Variants in TOX2 observed in about 807,000 individuals in gnomAD.
The protein encoded by TOX2 is TOX high mobility group box family member 2.
Under a neutral mutation model 47.4 loss-of-function variants are expected in TOX2, and 15 were observed. That is an observed-to-expected ratio of 0.32 (90% confidence interval 0.21 to 0.49). The LOEUF is 0.49. TOX2 is among the 20% of genes least tolerant of loss of function. The pLI is 0.99. For missense variants in TOX2, 622 were observed against 673.1 expected (o/e 0.92, Z 0.84); for synonymous variants, 290 against 296.6 (o/e 0.98, Z 0.23).
chr20:43,986,499 C>T (rs2070268102), intron 2 of TOX2, among the ~76,000 whole-genome samples: 1 of 152,052 alleles, frequency 6.6e-6, no homozygotes, highest in South Asian at 2.1e-4. Flanking sequence ...CCAGGCTGGT[C>T]TCGAACTCCT....
At position 43,975,680 on chromosome 20, in the gene TOX2, C is replaced by T. The variant is rs6031268; in HGVS notation, c.165+2248C>T. On this transcript the variant is annotated intron_variant, in intron 2 of 8. Coordinates refer to ENST00000341197, the MANE Select transcript of TOX2 (RefSeq NM_001098797.2). ...CTTTCCATGATTCTCATTAAAATGG[C>T]ACCAGGTCTTTTTAATTCATAGTGA... Among the ~76,000 whole-genome samples the T allele has an allele frequency of 8.3e-3, 1,256 of 152,238 alleles. 19 individuals are homozygous for T. The highest frequency in any genetic ancestry group is 0.029 in the African/African-American group (1,188 of 41,514).
intron 1 of TOX2, among the ~76,000 whole-genome samples, chr20:43,954,428 G>C (rs1159170372): frequency 6.6e-6 from 1 of 152,086 alleles, no homozygotes; most frequent in African/African-American, 2.4e-5. Context: ...CCTGCCTCCT[G>C]CAGTGGACTC....
intron 1 of TOX2, among the ~76,000 whole-genome samples, chr20:43,968,195 C>T (rs1216286080): frequency 6.6e-6 from 1 of 152,208 alleles, no homozygotes; most frequent in Non-Finnish European, 1.5e-5. Context: ...CCATCCTTTA[C>T]TCCTTCCTCC....
chr20:43,938,907 G>T (rs2069364839), intron 1 of TOX2, among the ~76,000 whole-genome samples: 1 of 152,212 alleles, frequency 6.6e-6, no homozygotes, highest in South Asian at 2.1e-4. Context: ...TCCAGCCCTT[G>T]TGTTTCTGCC....
intron 1 of TOX2, among the ~76,000 whole-genome samples, chr20:43,960,120 A>T (rs966336862): frequency 1.3e-5 from 2 of 152,166 alleles, no homozygotes; most frequent in African/African-American, 4.8e-5. Flanking sequence ...ATAGGAACGG[A>T]TGTTTGTCAT....
At chr20:43,973,258 C>T (rs1356012155) in intron 1 of TOX2, 109 bp from the exon 2 acceptor site, 6 of 1,071,488 alleles carry the variant, frequency 5.6e-6, no homozygotes, top group Non-Finnish European at 8.3e-6. Flanking sequence ...CCTTCTGCAG[C>T]TCCCACAGTC....
intron 2 of TOX2, among the ~76,000 whole-genome samples, chr20:43,989,006 C>A (rs2070321158): frequency 6.6e-6 from 1 of 152,146 alleles, no homozygotes; most frequent in South Asian, 2.1e-4. Context: ...GGAATTTGAA[C>A]CACAGTTAGT....
chr20:44,018,192 C>G (rs6073282), intron 3 of TOX2, among the ~76,000 whole-genome samples: 93,595 of 151,438 alleles, frequency 0.62, 29,383 homozygotes, highest in Non-Finnish European at 0.68. Flanking sequence ...ACCACCCCTT[C>G]CGCTGAAATT....
chr20:43,970,017 C>T (rs1475694140), intron 1 of TOX2, among the ~76,000 whole-genome samples: 2 of 152,168 alleles, frequency 1.3e-5, no homozygotes, highest in African/African-American at 2.4e-5. Flanking sequence ...TGGATAATTC[C>T]TCCCTCTCCT....
In TOX2 at chr20:44,007,056, T is replaced by C. The variant is rs555302004; in HGVS notation, c.411+264T>C. ...AGCTCTGCGTACAGTATCTCGGTAT[T>C]GGTTTGCATTATTTGTTAATAGTAT... On this transcript the variant is annotated intron_variant, in intron 3 of 8. Coordinates refer to ENST00000341197, the MANE Select transcript of TOX2 (RefSeq NM_001098797.2). 1.2e-4 allele frequency among the ~76,000 whole-genome samples: 19 copies of C among 152,348 alleles called. No homozygotes were observed. In the South Asian group the frequency reaches 3.3e-3, roughly 27 times the overall value.
chr20:44,041,623 A>G (rs1280415093), intron 3 of TOX2, among the ~76,000 whole-genome samples: 1 of 152,176 alleles, frequency 6.6e-6, no homozygotes, highest in African/African-American at 2.4e-5. Context: ...AAAGCTTGCC[A>G]TTGTGTCCAT....
Position 43,916,828 on chromosome 20 carries a change from T to A in TOX2, c.99+1838T>A, listed in dbSNP as rs913835312. ...CGTTTGAGGGTGGTGTTTCTATAAATCTCGCCAGGGTGGGGCTGTCCCAAA... is the reference window on the plus strand; with the variant it reads ...CGTTTGAGGGTGGTGTTTCTATAAAACTCGCCAGGGTGGGGCTGTCCCAAA... On this transcript the variant is annotated intron_variant, in intron 1 of 8. Transcript: ENST00000341197. The surrounding 1 kb of genome is among the most constrained non-coding windows in gnomAD (Gnocchi z 5.0). Among the ~76,000 whole-genome samples, 1 of 152,078 alleles carries A rather than the reference T, an allele frequency of 6.6e-6. No homozygotes were observed. Among genetic ancestry groups the A allele is most frequent in the Non-Finnish European group, 1.5e-5 (1 of 68,018 alleles).
intron 1 of TOX2, among the ~76,000 whole-genome samples, chr20:43,929,618 C>T (rs779845107): frequency 5.7e-4 from 86 of 152,210 alleles, no homozygotes; most frequent in Admixed American, 2.7e-3. Context: ...GCTTCATCCT[C>T]GTCTTCCCAG....
chr20:43,926,827 C>T (rs2069174128), intron 1 of TOX2, among the ~76,000 whole-genome samples: 1 of 152,252 alleles, frequency 6.6e-6, no homozygotes, highest in African/African-American at 2.4e-5. Context: ...CAGCCTGACA[C>T]AGCCTGCCAG....
intron 5 of TOX2, among the ~76,000 whole-genome samples, chr20:44,061,883 A>T (rs1484248893): frequency 6.6e-6 from 1 of 152,002 alleles, no homozygotes; most frequent in Non-Finnish European, 1.5e-5. Context: ...AAACCACATG[A>T]TCATCTCAAT....
intron 1 of TOX2, among the ~76,000 whole-genome samples, chr20:43,950,835 G>T (rs183607165): frequency 6.6e-6 from 1 of 152,070 alleles, no homozygotes; most frequent in African/African-American, 2.4e-5. Flanking sequence ...AACTCCAGGG[G>T]TCTTTGTTCA....
intron 1 of TOX2, among the ~76,000 whole-genome samples, chr20:43,940,790 G>A (rs908934739): frequency 6.6e-6 from 1 of 152,336 alleles, no homozygotes; most frequent in East Asian, 1.9e-4. Context: ...GTGGGCATGA[G>A]GATGTAGACC....
intron 2 of TOX2, among the ~76,000 whole-genome samples, chr20:43,998,725 A>ATCTG (rs1241964062): frequency 2.9e-5 from 1 of 34,108 alleles, no homozygotes; most frequent in African/African-American, 6.7e-5. Context: ...TGATACATCT[A>ATCTG]TCTATCTATC....
intron 1 of TOX2, 84 bp from the exon 2 acceptor site, chr20:43,973,283 C>A: frequency 7.3e-7 from 1 of 1,377,780 alleles, no homozygotes; most frequent in Non-Finnish European, 1.0e-6. Context: ...GCAGTCAGTC[C>A]CCTGCCCTCC....
Sources: allele counts gnomAD v4.1 joint callset (sites outside exome capture counted in the v4.1 genomes callset), GRCh38; gene constraint gnomAD v4.1.1; non-coding constraint Gnocchi (gnomAD v3.1); transcripts MANE v1.5; gene names NCBI Gene and HGNC (gene_info 2026-07-23, HGNC 2026-07-21).